LRRC37A2: variants seen among roughly 807,000 people sequenced by gnomAD.
LRRC37A2 encodes leucine rich repeat containing 37 member A2.
Under a neutral mutation model 68.8 loss-of-function variants are expected in LRRC37A2, and 9 were observed. The observed-to-expected ratio is 0.13, with a 90% confidence interval of 0.08 to 0.23. The LOEUF is 0.23. Ranked by LOEUF, LRRC37A2 falls within the 10% of genes least tolerant of loss-of-function variation. The probability of loss-of-function intolerance (pLI) is 1.00; values close to 1 mark genes in which losing one functional copy is unlikely to be tolerated. For missense variants in LRRC37A2, 168 were observed against 950.4 expected, an observed-to-expected ratio of 0.18 and a Z score of 10.82; for synonymous variants, 63 against 367.6, an observed-to-expected ratio of 0.17 and a Z score of 9.48.
the LRRC37A2 span, among the ~76,000 whole-genome samples, chr17:46,837,195 C>G: frequency 6.6e-6 from 1 of 152,062 alleles, no homozygotes; most frequent in African/African-American, 2.4e-5. Context: ...CCCGCCGCGG[C>G]CCCCCAAAGT....
At chr17:46,991,545 T>C in the LRRC37A2 span, among the ~76,000 whole-genome samples, 1 of 152,154 alleles carries the variant, frequency 6.6e-6, no homozygotes, top group South Asian at 2.1e-4. Flanking sequence ...GGAGAATTGC[T>C]TGAACCCAGT....
chr17:46,942,947 C>T, the LRRC37A2 span, among the ~76,000 whole-genome samples: 1 of 152,172 alleles, frequency 6.6e-6, no homozygotes, highest in Non-Finnish European at 1.5e-5. Flanking sequence ...CCCCATGTCC[C>T]TCTAGTACAG....
chr17:46,894,748 C>G, the LRRC37A2 span, among the ~76,000 whole-genome samples: 1 of 151,812 alleles, frequency 6.6e-6, no homozygotes, highest in East Asian at 2.0e-4. Flanking sequence ...TTAATGCAGT[C>G]CCAGCTGCCC....
chr17:46,875,371 G>A, the LRRC37A2 span: 1 of 1,591,556 alleles, frequency 6.3e-7, no homozygotes, highest in Non-Finnish European at 8.6e-7. Flanking sequence ...ATCAAGGTGA[G>A]CATGTCCCTG....
At chr17:46,738,951 A>G in the LRRC37A2 span, among the ~76,000 whole-genome samples, 1 of 150,426 alleles carries the variant, frequency 6.6e-6, no homozygotes, top group Non-Finnish European at 1.5e-5. Context: ...AAAATACAAA[A>G]AAGTCCAGGC....
chr17:47,039,038 T>A, the LRRC37A2 span, among the ~76,000 whole-genome samples: 1 of 150,318 alleles, frequency 6.7e-6, no homozygotes, highest in Admixed American at 6.7e-5. Flanking sequence ...GTACTCCTTA[T>A]AGGGCAGGTC....
the LRRC37A2 span, among the ~76,000 whole-genome samples, chr17:46,791,147 G>A: frequency 6.6e-6 from 1 of 151,972 alleles, no homozygotes; most frequent in Non-Finnish European, 1.5e-5. Flanking sequence ...TGGGTTGGGG[G>A]CTCCACACCT....
chr17:46,474,215 A>G, the LRRC37A2 span, among the ~76,000 whole-genome samples: 3 of 103,920 alleles, frequency 2.9e-5, 1 homozygote, highest in African/African-American at 1.0e-4. Context: ...ACACCCAGCT[A>G]ACTTTTGTAT....
At chr17:46,924,067 G>A in the LRRC37A2 span, among the ~76,000 whole-genome samples, 6 of 152,098 alleles carry the variant, frequency 3.9e-5, no homozygotes, top group South Asian at 2.1e-4. Flanking sequence ...ACATCACTAC[G>A]ATCCATTTCC....
At chr17:46,895,403 T>C in the LRRC37A2 span, among the ~76,000 whole-genome samples, 1 of 152,250 alleles carries the variant, frequency 6.6e-6, no homozygotes, top group Non-Finnish European at 1.5e-5. Context: ...ATTTGTGTTA[T>C]GAGGACGGAA....
chr17:46,850,422 A>G, the LRRC37A2 span, among the ~76,000 whole-genome samples: 1 of 152,132 alleles, frequency 6.6e-6, no homozygotes, highest in Non-Finnish European at 1.5e-5. Context: ...GCCACCTAAC[A>G]CGGTAGCCAC....
the LRRC37A2 span, among the ~76,000 whole-genome samples, chr17:46,787,668 C>A: frequency 1.3e-5 from 2 of 152,146 alleles, no homozygotes. Context: ...TGAGATGTAG[C>A]CTCGGCCGGG....
At chr17:46,875,507 C>A in the LRRC37A2 span, 1 of 1,190,192 alleles carries the variant, frequency 8.4e-7, no homozygotes, top group African/African-American at 1.5e-5. Context: ...AACTTCACGT[C>A]TTCAACCAGC....
the LRRC37A2 span, among the ~76,000 whole-genome samples, chr17:46,808,881 C>T: frequency 3.9e-5 from 6 of 152,154 alleles, no homozygotes. Flanking sequence ...CAGCAGCCTG[C>T]TCAGGTCGAG....
chr17:46,936,058 G>A, the LRRC37A2 span: 53 of 985,730 alleles, frequency 5.4e-5, no homozygotes, highest in Non-Finnish European at 6.1e-5. Flanking sequence ...CCATCTCTAC[G>A]GGGGAGAGGG....
At chr17:46,418,488 T>TC in the LRRC37A2 span, among the ~76,000 whole-genome samples, 5 of 31,732 alleles carry the variant, frequency 1.6e-4, no homozygotes, top group African/African-American at 5.1e-4. Context: ...AGTTTTTTTT[T>TC]CTAGGGAAAT....
the LRRC37A2 span, among the ~76,000 whole-genome samples, chr17:46,804,776 C>G: frequency 6.6e-6 from 1 of 152,164 alleles, no homozygotes; most frequent in Non-Finnish European, 1.5e-5. Context: ...ATGCACCAAT[C>G]AGTGCTCTGT....
chr17:46,780,401 T>A, the LRRC37A2 span, among the ~76,000 whole-genome samples: 1 of 152,136 alleles, frequency 6.6e-6, no homozygotes, highest in African/African-American at 2.4e-5. Context: ...ATACAGAACA[T>A]ATGAAAAGAG....
At chr17:46,822,499 G>A in the LRRC37A2 span, among the ~76,000 whole-genome samples, 1 of 152,240 alleles carries the variant, frequency 6.6e-6, no homozygotes, top group Non-Finnish European at 1.5e-5. Context: ...AGCGGCGCGG[G>A]CGCGCCCCCT....
Sources: gnomAD v4.1 joint callset for allele counts (sites outside exome capture counted in the v4.1 genomes callset) on GRCh38, gnomAD v4.1.1 for gene constraint, MANE v1.5 for transcripts, NCBI Gene and HGNC (gene_info 2026-07-23, HGNC 2026-07-21) for gene names.